SNTG2: variants seen among roughly 807,000 people sequenced by gnomAD.
SNTG2 encodes the protein syntrophin gamma 2, also known as gamma-2-syntrophin.
A neutral mutation model predicts 70.9 loss-of-function variants in SNTG2; 74 were observed. The ratio of observed to expected loss-of-function variants is 1.04; its 90% CI spans 0.86 to 1.27. SNTG2 has a LOEUF of 1.27. Ranked by LOEUF, SNTG2 falls within the 50% of genes most tolerant of loss-of-function variation. The probability of loss-of-function intolerance (pLI) is 0.00; values close to 1 mark genes in which losing one functional copy is unlikely to be tolerated. For missense variants in SNTG2, 717 were observed against 690.7 expected (o/e 1.04, Z -0.43); for synonymous variants, 278 against 273.8 (o/e 1.02, Z -0.15).
At chr2:1,085,242 A>G (rs1179664447) in intron 2 of SNTG2, among the ~76,000 whole-genome samples, 1 of 152,264 alleles carries the variant, frequency 6.6e-6, no homozygotes, top group Admixed American at 6.5e-5. Context: ...ACCCTGCTTA[A>G]TAGAGATTTT....
intron 1 of SNTG2, among the ~76,000 whole-genome samples, chr2:967,053 G>A (rs1366938099): frequency 2.6e-5 from 4 of 152,128 alleles, no homozygotes; most frequent in African/African-American, 9.7e-5. Context: ...AAAGAAAAAT[G>A]TACAAAGAAT....
intron 4 of SNTG2, among the ~76,000 whole-genome samples, chr2:1,120,457 T>G (rs1667310061): frequency 6.6e-6 from 1 of 152,224 alleles, no homozygotes; most frequent in Non-Finnish European, 1.5e-5. Context: ...AGACATATAG[T>G]GGTGAAGTAG....
chr2:1,148,087 A>G (rs540574631), intron 6 of SNTG2, among the ~76,000 whole-genome samples: 6 of 152,292 alleles, frequency 3.9e-5, no homozygotes, highest in Admixed American at 3.3e-4. Flanking sequence ...CTTCCTCTAG[A>G]TGGAGCAGTA....
At chr2:1,262,859 C>G (rs992577336) in intron 13 of SNTG2, 7 of 152,342 alleles carry the variant, frequency 4.6e-5, no homozygotes, top group African/African-American at 1.7e-4. Flanking sequence ...ATGGCCTAGC[C>G]AGCCGCTGAC....
chr2:1,021,059 G>A (rs906393103), intron 1 of SNTG2, among the ~76,000 whole-genome samples: 1 of 152,162 alleles, frequency 6.6e-6, no homozygotes. Context: ...AATGAAAGGT[G>A]AATGATTAAT....
intron 1 of SNTG2, among the ~76,000 whole-genome samples, chr2:983,924 C>T (rs144913478): frequency 5.9e-5 from 9 of 152,320 alleles, no homozygotes; most frequent in Admixed American, 2.6e-4. Context: ...AGTCGGGCTC[C>T]ACACAGCATG....
Position 956,655 on chromosome 2 carries a change from C to A in SNTG2, c.72+5587C>A, listed in dbSNP as rs1364128106. Among the ~76,000 whole-genome samples the A allele has an allele frequency of 2.0e-5, 3 of 152,266 alleles. No homozygotes were observed. In the East Asian group the frequency reaches 5.8e-4, roughly 29 times the overall value. On this transcript the variant is annotated intron_variant, in intron 1 of 16. Coordinates refer to ENST00000308624, the MANE Select transcript of SNTG2 (RefSeq NM_018968.4). Reference sequence around the variant, plus strand: ...AGGAGGGAAGTGGCACCTGGGTCCCCTGCTGCTGTGAGCCCGTGGAGGGGC... The same window carrying A: ...AGGAGGGAAGTGGCACCTGGGTCCCATGCTGCTGTGAGCCCGTGGAGGGGC...
intron 9 of SNTG2, among the ~76,000 whole-genome samples, chr2:1,214,184 A>G (rs1293866342): frequency 6.6e-6 from 1 of 152,178 alleles, no homozygotes; most frequent in Non-Finnish European, 1.5e-5. Flanking sequence ...AGGTAGTGTG[A>G]TGCCTCCATC....
At chr2:993,791 C>T (rs1200756574) in intron 1 of SNTG2, among the ~76,000 whole-genome samples, 1 of 152,050 alleles carries the variant, frequency 6.6e-6, no homozygotes, top group Non-Finnish European at 1.5e-5. Context: ...AGTATCTTCA[C>T]ATGTAATTAT....
chr2:1,256,537 T>C (rs547390979), intron 12 of SNTG2: 1 of 152,326 alleles, frequency 6.6e-6, no homozygotes, highest in South Asian at 2.1e-4. Flanking sequence ...CGGCCTTGAA[T>C]TGTTGTAGCC....
rs147104160 is a variant in SNTG2, at chr2:1,148,359, G to A, written c.411+10550G>A. 1.5e-3 allele frequency among the ~76,000 whole-genome samples: 222 copies of A among 152,316 alleles called. 1 individual carries two copies. The highest frequency in any genetic ancestry group is 5.2e-3 in the African/African-American group (216 of 41,576). ...CTGGCAGCTTTTCATGTTTGCCAGG[G>A]ACATGAAGGCGACATCACCTCGTGT... On this transcript the variant is annotated intron_variant, in intron 6 of 16. Coordinates refer to ENST00000308624, the MANE Select transcript of SNTG2 (RefSeq NM_018968.4).
intron 1 of SNTG2, among the ~76,000 whole-genome samples, chr2:1,069,663 T>C (rs866326502): frequency 6.6e-6 from 1 of 151,978 alleles, no homozygotes; most frequent in African/African-American, 2.4e-5. Context: ...GGATGACACG[T>C]GCCTGTAGTT....
intron 8 of SNTG2, among the ~76,000 whole-genome samples, chr2:1,193,736 A>G (rs1243637365): frequency 6.6e-6 from 1 of 152,220 alleles, no homozygotes; most frequent in African/African-American, 2.4e-5. Flanking sequence ...AAGTAAATTT[A>G]TTTTTATAAA....
At chr2:1,075,023 G>A (rs1213404410) in intron 1 of SNTG2, among the ~76,000 whole-genome samples, 2 of 152,132 alleles carry the variant, frequency 1.3e-5, no homozygotes, top group East Asian at 3.9e-4. Context: ...AATAATCATG[G>A]AATCATATCT....
At chr2:1,222,454 T>G (rs755191465) in intron 9 of SNTG2, among the ~76,000 whole-genome samples, 11 of 152,268 alleles carry the variant, frequency 7.2e-5, no homozygotes, top group Non-Finnish European at 1.3e-4. Context: ...GAGGGGCTTC[T>G]TAAGCTGGAG....
At chr2:1,256,301 TAG>T (rs1473960119) in intron 12 of SNTG2, 6 of 152,120 alleles carry the variant, frequency 3.9e-5, no homozygotes, top group African/African-American at 1.4e-4. Flanking sequence ...CATGACTGTA[TAG>T]ACACACACGC....
At chr2:1,240,591 G>T (rs28669900) in intron 11 of SNTG2, among the ~76,000 whole-genome samples, 1 of 151,998 alleles carries the variant, frequency 6.6e-6, no homozygotes, top group Admixed American at 6.6e-5. Context: ...AAACATGTTC[G>T]CTTTGCTTTA....
intron 4 of SNTG2, among the ~76,000 whole-genome samples, chr2:1,135,861 G>T (rs1668352128): frequency 6.6e-6 from 1 of 152,112 alleles, no homozygotes; most frequent in Non-Finnish European, 1.5e-5. Flanking sequence ...TTTTCTATAG[G>T]TCCATTCAGA....
chr2:1,364,339 A>G (rs1316998565), intron 16 of SNTG2, among the ~76,000 whole-genome samples: 1 of 151,870 alleles, frequency 6.6e-6, no homozygotes, highest in Non-Finnish European at 1.5e-5. Context: ...ACCAAAAACT[A>G]TTGATGTTGT....
Sources: allele counts gnomAD v4.1 joint callset (sites outside exome capture counted in the v4.1 genomes callset), GRCh38; gene constraint gnomAD v4.1.1; transcripts MANE v1.5; gene names NCBI Gene and HGNC (gene_info 2026-07-23, HGNC 2026-07-21).